KCNJ6: variants seen among roughly 807,000 people sequenced by gnomAD.
KCNJ6 encodes potassium inwardly rectifying channel subfamily J member 6, also known as G protein-activated inward rectifier potassium channel 2.
KCNJ6 carries 9 observed loss-of-function variants against 34.2 expected under a neutral mutation model. The ratio of observed to expected loss-of-function variants is 0.26; its 90% confidence interval spans 0.16 to 0.46. KCNJ6 has a LOEUF of 0.46. Ranked by LOEUF, KCNJ6 falls within the 20% of genes least tolerant of loss-of-function variation. The probability of loss-of-function intolerance (pLI) is 1.00; values close to 1 mark genes in which losing one functional copy is unlikely to be tolerated. For missense variants in KCNJ6, 236 were observed against 531.3 expected (o/e 0.44, Z 5.46); for synonymous variants, 196 against 207.1 (o/e 0.95, Z 0.46).
At chr21:37,808,832 TTCTC>T (rs1004595508) in intron 2 of KCNJ6, among the ~76,000 whole-genome samples, 13 of 152,168 alleles carry the variant, frequency 8.5e-5, no homozygotes, top group African/African-American at 3.1e-4. Flanking sequence ...TTGATTTCCT[TTCTC>T]TCTCTCTCTT....
At chr21:37,642,600 C>T (rs972454365) in intron 3 of KCNJ6, among the ~76,000 whole-genome samples, 10 of 151,802 alleles carry the variant, frequency 6.6e-5, no homozygotes, top group African/African-American at 2.4e-4. Context: ...CATCTGACCC[C>T]GAAGATAGGG....
intron 2 of KCNJ6, among the ~76,000 whole-genome samples, chr21:37,840,032 C>T (rs890640845): frequency 2.6e-5 from 4 of 152,194 alleles, no homozygotes; most frequent in African/African-American, 9.7e-5. Context: ...CTCCTGACCT[C>T]AAGTGATCTG....
chr21:37,761,638 G>T (rs2055064937), intron 2 of KCNJ6, among the ~76,000 whole-genome samples: 1 of 145,478 alleles, frequency 6.9e-6, no homozygotes, highest in African/African-American at 2.6e-5. Context: ...TGTGTGTTGT[G>T]TTGTGTGTGT....
At chr21:37,794,107 A>G (rs2055229991) in intron 2 of KCNJ6, among the ~76,000 whole-genome samples, 1 of 152,244 alleles carries the variant, frequency 6.6e-6, no homozygotes, top group African/African-American at 2.4e-5. Flanking sequence ...ACCCAAACCA[A>G]AAGTTTCATG....
chr21:37,909,299 T>C (rs2055856057), intron 1 of KCNJ6, among the ~76,000 whole-genome samples: 1 of 152,190 alleles, frequency 6.6e-6, no homozygotes, highest in African/African-American at 2.4e-5. Context: ...TAATGCCACA[T>C]TGCAATAAAT....
At chr21:37,882,775 A>G (rs1480172892) in intron 1 of KCNJ6, among the ~76,000 whole-genome samples, 1 of 152,244 alleles carries the variant, frequency 6.6e-6, no homozygotes, top group African/African-American at 2.4e-5. Context: ...CGACAAAAAT[A>G]AAAACAGTCT....
At chr21:37,713,602 G>GGTGGGATTA (rs2054774498) in intron 3 of KCNJ6, among the ~76,000 whole-genome samples, 1 of 152,138 alleles carries the variant, frequency 6.6e-6, no homozygotes, top group Non-Finnish European at 1.5e-5. Context: ...CAGGAGGGCC[G>GGTGGGATTA]GCGGGATTAA....
intron 2 of KCNJ6, among the ~76,000 whole-genome samples, chr21:37,827,325 T>C (rs533736061): frequency 9.9e-5 from 15 of 152,256 alleles, no homozygotes; most frequent in African/African-American, 3.1e-4. Context: ...TCACTAGTAT[T>C]TAGCAATGAA....
At chr21:37,716,983 C>T (rs1054869055) in intron 2 of KCNJ6, 1 of 154,364 alleles carries the variant, frequency 6.5e-6, no homozygotes, top group African/African-American at 2.4e-5. Flanking sequence ...CATCTCTCCA[C>T]AAACCATCAT....
intron 2 of KCNJ6, among the ~76,000 whole-genome samples, chr21:37,756,130 G>T (rs1389941726): frequency 1.3e-5 from 2 of 152,204 alleles, no homozygotes; most frequent in Non-Finnish European, 2.9e-5. Flanking sequence ...CACAAGGGTT[G>T]TGTGGGATTT....
In KCNJ6 at chr21:37,831,864, T is replaced by A. The variant is rs549310954; in HGVS notation, c.25+8794A>T. Among the ~76,000 whole-genome samples the A allele has an allele frequency of 9.2e-5, 14 of 152,114 alleles. No homozygotes were observed. The South Asian group carries it at 2.9e-3, about 32-fold the overall frequency. ...CAGCCTTAGTGATACCTGCCCACTATGGAAGAGGAAGGCAAATGAGAAGGG... is the reference window on the plus strand; with the variant it reads ...CAGCCTTAGTGATACCTGCCCACTAAGGAAGAGGAAGGCAAATGAGAAGGG... On this transcript the variant is annotated intron_variant, in intron 2 of 3. Coordinates refer to ENST00000609713, the MANE Select transcript of KCNJ6 (RefSeq NM_002240.5).
At chr21:37,671,649 T>C (rs989611467) in intron 3 of KCNJ6, among the ~76,000 whole-genome samples, 1 of 152,216 alleles carries the variant, frequency 6.6e-6, no homozygotes, top group Non-Finnish European at 1.5e-5. Context: ...GGGGCAGGCT[T>C]GTGGGGCTGA....
At chr21:37,701,075 C>G (rs2054688451) in intron 3 of KCNJ6, among the ~76,000 whole-genome samples, 1 of 152,132 alleles carries the variant, frequency 6.6e-6, no homozygotes, top group Non-Finnish European at 1.5e-5. Flanking sequence ...GAGAGCCACC[C>G]CAATGGAGAT....
At chr21:37,889,497 C>T (rs373219099) in intron 1 of KCNJ6, among the ~76,000 whole-genome samples, 4 of 152,114 alleles carry the variant, frequency 2.6e-5, no homozygotes, top group East Asian at 1.9e-4. Context: ...TGCCCAGGGC[C>T]GGCTGACCCT....
chr21:37,790,837 C>T (rs2123521618), intron 2 of KCNJ6, among the ~76,000 whole-genome samples: 1 of 152,330 alleles, frequency 6.6e-6, no homozygotes, highest in Admixed American at 6.5e-5. Context: ...ATCACAATCA[C>T]ATGCCCACCG....
rs531726253 is a variant in KCNJ6 at position 37,644,873 on chromosome 21, G to A, written c.947-19389C>T. On this transcript the variant is annotated intron_variant, in intron 3 of 3. Transcript: ENST00000609713. ...CTTCTTAAAGTTAAGGGAGACTGGC[G>A]AAACAATAGCCGGACTTCCTGCCCT... is the stretch of plus-strand genomic sequence containing the variant. Among the ~76,000 whole-genome samples, 25 of 152,234 alleles carry A rather than the reference G, an allele frequency of 1.6e-4. No homozygotes were observed. In the South Asian group the frequency reaches 4.6e-3, roughly 28 times the overall value.
chr21:37,888,495 GA>G (rs2055746439), intron 1 of KCNJ6, among the ~76,000 whole-genome samples: 1 of 152,188 alleles, frequency 6.6e-6, no homozygotes, highest in Non-Finnish European at 1.5e-5. Flanking sequence ...CTAGACCTTG[GA>G]AAACTTAGAG....
intron 1 of KCNJ6, among the ~76,000 whole-genome samples, chr21:37,848,692 C>T (rs551099369): frequency 2.6e-5 from 4 of 152,176 alleles, no homozygotes; most frequent in East Asian, 1.9e-4. Context: ...TGGGCTTCAG[C>T]GTGAGTTCGT....
intron 3 of KCNJ6, among the ~76,000 whole-genome samples, chr21:37,683,900 G>C (rs2054601395): frequency 6.6e-6 from 1 of 152,198 alleles, no homozygotes; most frequent in African/African-American, 2.4e-5. Flanking sequence ...TGGCTGAGTG[G>C]GCAGGAGGCC....
Sources: allele counts gnomAD v4.1 joint callset (sites outside exome capture counted in the v4.1 genomes callset), GRCh38; gene constraint gnomAD v4.1.1; transcripts MANE v1.5; gene names NCBI Gene and HGNC (gene_info 2026-07-23, HGNC 2026-07-21).